CENPK: variants seen among roughly 807,000 people sequenced by gnomAD.
CENPK encodes centromere protein K, also known as SoxLZ/Sox6-binding protein Solt.
Under a neutral mutation model 40.9 loss-of-function variants are expected in CENPK, and 46 were observed. The observed-to-expected ratio is 1.13, with a 90% CI of 0.89 to 1.44. CENPK has a LOEUF of 1.44. CENPK is among the 40% of genes most tolerant of loss of function. The pLI is 0.00. For missense variants in CENPK, 288 were observed against 303.5 expected (o/e 0.95, Z 0.38); for synonymous variants, 107 against 104.4 (o/e 1.02, Z -0.15).
At chr5:65,547,815 C>T (rs1749288031) in intron 5 of CENPK, among the ~76,000 whole-genome samples, 1 of 152,084 alleles carries the variant, frequency 6.6e-6, no homozygotes, top group Admixed American at 6.5e-5. Context: ...CAGGCGCCCA[C>T]CACAACACCT....
intron 6 of CENPK, among the ~76,000 whole-genome samples, chr5:65,535,603 C>T (rs1047083588): frequency 1.5e-4 from 23 of 152,212 alleles, no homozygotes; most frequent in African/African-American, 3.9e-4. Context: ...GCTGCCAACT[C>T]GCCACGTCAC....
At chr5:65,512,673 T>A in the CENPK span, among the ~76,000 whole-genome samples, 1 of 152,342 alleles carries the variant, frequency 6.6e-6, no homozygotes, top group Middle Eastern at 3.4e-3. Flanking sequence ...TACGGGGAAA[T>A]CAAACAATTT....
intron 6 of CENPK, among the ~76,000 whole-genome samples, chr5:65,537,261 T>G: frequency 6.6e-6 from 1 of 152,220 alleles, no homozygotes; most frequent in East Asian, 1.9e-4. Context: ...CCTACAACTA[T>G]GTATGAACAA....
intron 10 of CENPK, among the ~76,000 whole-genome samples, chr5:65,519,512 C>A (rs1347505687): frequency 6.6e-6 from 1 of 152,154 alleles, no homozygotes; most frequent in African/African-American, 2.4e-5. Flanking sequence ...TCCTCAGGGG[C>A]ACATAATCAG....
chr5:65,521,420 G>T, intron 10 of CENPK, 55 bp downstream of exon 10: 1 of 1,359,786 alleles, frequency 7.4e-7, no homozygotes, highest in Non-Finnish European at 1.0e-6. Context: ...GAGTATAATT[G>T]TTCACAAATG....
At chr5:65,525,378 G>A (rs1354556107) in intron 9 of CENPK, among the ~76,000 whole-genome samples, 1 of 150,928 alleles carries the variant, frequency 6.6e-6, no homozygotes, top group Non-Finnish European at 1.5e-5. Flanking sequence ...AAAAAAAAAA[G>A]TAAAATTACA....
At chr5:65,506,982 G>T in the CENPK span, among the ~76,000 whole-genome samples, 1 of 152,046 alleles carries the variant, frequency 6.6e-6, no homozygotes, top group East Asian at 1.9e-4. Context: ...TGTCTCAATC[G>T]ACTTAAACCA....
At chr5:65,529,306 A>T (rs985635137) in intron 6 of CENPK, 107 bp from the exon 7 acceptor site, 2 of 702,648 alleles carry the variant, frequency 2.8e-6, no homozygotes, top group African/African-American at 1.8e-5. Context: ...TTCAGACATC[A>T]GTAGTGAAAA....
At chr5:65,544,041 C>A (rs1748461535) in intron 5 of CENPK, among the ~76,000 whole-genome samples, 1 of 152,176 alleles carries the variant, frequency 6.6e-6, no homozygotes, top group African/African-American at 2.4e-5. Flanking sequence ...AAATAGTAGG[C>A]TACTGAAAAC....
intron 6 of CENPK, among the ~76,000 whole-genome samples, chr5:65,533,780 A>T (rs1447958113): frequency 2.0e-5 from 3 of 152,106 alleles, no homozygotes; most frequent in African/African-American, 4.8e-5. Context: ...CAGTGCCTCA[A>T]GCCTGAAATC....
intron 6 of CENPK, among the ~76,000 whole-genome samples, chr5:65,531,499 T>A (rs1177636395): frequency 1.3e-5 from 2 of 148,588 alleles, no homozygotes; most frequent in Non-Finnish European, 3.0e-5. Flanking sequence ...TTCAGAGCAC[T>A]AAAAATCTAT....
At chr5:65,514,500 C>T (rs1172773237), downstream of CENPK, among the ~76,000 whole-genome samples, 1 of 151,826 alleles carries the variant, frequency 6.6e-6, no homozygotes, top group Non-Finnish European at 1.5e-5. Context: ...CTCCTGGCCT[C>T]GTGATCCGCC....
chr5:65,550,671 T>C (rs1047874510), intron 5 of CENPK: 8 of 152,072 alleles, frequency 5.3e-5, no homozygotes, highest in African/African-American at 1.9e-4. Context: ...TTGTTAAACA[T>C]AGAGTGTCTG....
intron 9 of CENPK, among the ~76,000 whole-genome samples, chr5:65,527,612 G>C (rs1432456692): frequency 7.0e-6 from 1 of 142,500 alleles, no homozygotes; most frequent in Non-Finnish European, 1.5e-5. Flanking sequence ...TTCAGAAAAG[G>C]TTTATTTCAT....
At chr5:65,551,276 A>C in intron 5 of CENPK, 1 of 314,294 alleles carries the variant, frequency 3.2e-6, no homozygotes, top group Non-Finnish European at 5.9e-6. Context: ...AAAAAAAGGA[A>C]CAATTTACCA....
At chr5:65,506,361 A>G in the CENPK span, among the ~76,000 whole-genome samples, 1 of 151,936 alleles carries the variant, frequency 6.6e-6, no homozygotes, top group Non-Finnish European at 1.5e-5. Context: ...AAAAAAAAAA[A>G]AAAATGGCAG....
chr5:65,552,426 T>C (rs188627320), intron 4 of CENPK, 67 bp downstream of exon 4: 2 of 1,003,918 alleles, frequency 2.0e-6, no homozygotes, highest in Non-Finnish European at 2.9e-6. Context: ...CAGACACACA[T>C]ATTTATTTTC....
chr5:65,499,651 C>T, the CENPK span, among the ~76,000 whole-genome samples: 8 of 125,774 alleles, frequency 6.4e-5, no homozygotes, highest in Admixed American at 8.1e-5. Context: ...AATATTAGAT[C>T]TTTTTTTTTT....
At chr5:65,557,940 T>G (rs983584363) in intron 2 of CENPK, among the ~76,000 whole-genome samples, 1 of 152,140 alleles carries the variant, frequency 6.6e-6, no homozygotes, top group African/African-American at 2.4e-5. Flanking sequence ...ATGAAACGTT[T>G]TCAAGAACGT....
Sources: gnomAD v4.1 joint callset for allele counts (sites outside exome capture counted in the v4.1 genomes callset) on GRCh38, gnomAD v4.1.1 for gene constraint, MANE v1.5 for transcripts, NCBI Gene and HGNC (gene_info 2026-07-23, HGNC 2026-07-21) for gene names.